NGEF: variants seen among roughly 807,000 people sequenced by gnomAD.
NGEF encodes the protein ephexin-1.
A neutral mutation model predicts 80.9 loss-of-function variants in NGEF; 31 were observed. The observed-to-expected ratio is 0.38, with a 90% CI of 0.29 to 0.52. NGEF has a LOEUF of 0.52. NGEF is among the 20% of genes least tolerant of loss of function. NGEF has a pLI of 0.84. For synonymous variants in NGEF, 371 were observed against 370.2 expected (o/e 1.00, Z -0.03); for missense variants, 709 against 926.2 (o/e 0.77, Z 3.04).
In NGEF at chr2:232,879,425, C is replaced by A. The variant is rs918557115; in HGVS notation, c.*64G>T. On this transcript the variant is annotated 3_prime_UTR_variant, in exon 15 of 15. Coordinates refer to ENST00000264051, the MANE Select transcript of NGEF (RefSeq NM_019850.3). ...GCTGGCCTGTGCTTCCCAGAGCCCC[C>A]CCCCCCCCACCTTCTGTCGGGGTCT... 1.4e-4 allele frequency: 197 copies of A among 1,424,240 alleles called. 3 individuals are homozygous for A. The highest frequency in any genetic ancestry group is 7.1e-4 in the South Asian group (51 of 72,088). The allele number at this position is 1,424,240 out of a possible 1,614,324, so 88.2% of individuals were successfully genotyped here. A position where few individuals can be genotyped will look rare whatever the true frequency, so the allele number is the denominator to read the frequency against.
At chr2:233,004,570 G>T (rs766164461) in intron 1 of NGEF, among the ~76,000 whole-genome samples, 1 of 152,228 alleles carries the variant, frequency 6.6e-6, no homozygotes, top group Non-Finnish European at 1.5e-5. Flanking sequence ...TGAGGTAACT[G>T]CTGGGAACCC....
At chr2:233,011,113 A>G (rs1178228568) in intron 1 of NGEF, among the ~76,000 whole-genome samples, 1 of 151,790 alleles carries the variant, frequency 6.6e-6, no homozygotes, top group East Asian at 1.9e-4. Flanking sequence ...TGCTCTTTTC[A>G]CCAAGCGGGG....
chr2:232,908,772 C>T (rs1204503938), intron 5 of NGEF, among the ~76,000 whole-genome samples: 2 of 151,404 alleles, frequency 1.3e-5, no homozygotes, highest in Non-Finnish European at 2.9e-5. Flanking sequence ...ATTGCCAGGA[C>T]GTATTCTCAT....
At position 232,922,614 on chromosome 2, in the gene NGEF, G is replaced by A. The variant is rs189911976; in HGVS notation, c.527-2029C>T. Among the ~76,000 whole-genome samples, 336 of 152,332 alleles carry A rather than the reference G, an allele frequency of 2.2e-3. 2 individuals carry two copies. The highest frequency in any genetic ancestry group is 7.8e-3 in the African/African-American group (325 of 41,574). On this transcript the variant is annotated intron_variant, in intron 4 of 14. Coordinates refer to ENST00000264051, the MANE Select transcript of NGEF (RefSeq NM_019850.3). ...GAGTATAAGGTAGGCCGACTATTGC[G>A]ACGTCAAGCTATCACCATCCTATGA...
intron 8 of NGEF, 31 bp from the exon 9 acceptor site, chr2:232,888,138 A>T: frequency 6.5e-7 from 1 of 1,535,808 alleles, no homozygotes; most frequent in Non-Finnish European, 8.8e-7. Flanking sequence ...CGTTAACTTT[A>T]ATCTTTTCTG....
intron 3 of NGEF, among the ~76,000 whole-genome samples, chr2:232,968,093 C>CTTTTTTTTTTTTTTTTTTTTTTTTTTT (rs1274944227): frequency 2.4e-5 from 3 of 125,796 alleles, no homozygotes; most frequent in South Asian, 2.5e-4. Context: ...ACAGACCTGG[C>CTTTTTTTTTTTTTTTTTTTTTTTTTTT]TTTTTTTTTT....
chr2:232,956,781 TAAAAAAAAAA>T (rs57407464), intron 3 of NGEF, among the ~76,000 whole-genome samples: 993 of 62,162 alleles, frequency 0.016, 19 homozygotes, highest in Middle Eastern at 0.047. Context: ...AGACTCCATC[TAAAAAAAAAA>T]AAAAAAAAAA....
At chr2:232,982,058 C>A (rs1301289165) in intron 1 of NGEF, among the ~76,000 whole-genome samples, 1 of 152,184 alleles carries the variant, frequency 6.6e-6, no homozygotes, top group African/African-American at 2.4e-5. Flanking sequence ...GAGGCCACAG[C>A]CCTGGGTGAC....
rs769159775 is a variant in NGEF at position 232,883,369 on chromosome 2, G to T, written c.1699C>A (p.Arg567=). The T allele has an allele frequency of 6.2e-7, 1 of 1,612,930 alleles. No individual in the cohort carries two copies. Among genetic ancestry groups the T allele is most frequent in the Non-Finnish European group, 8.5e-7 (1 of 1,179,532 alleles). The change falls in exon 12 of 15, where the codon CGG becomes AGG. Residue 567 remains arginine (R), a synonymous_variant. Coordinates refer to ENST00000264051, the MANE Select transcript of NGEF (RefSeq NM_019850.3). ...GQTLANVFIL[R]LLENADDREA... is the part of the protein sequence containing the mutation. Reference sequence around the variant, plus strand: ...CGGTCATCTGCGTTCTCCAGCAGCCGCAGGATGAACACGTTGGCCAGCGTC... The same window carrying T: ...CGGTCATCTGCGTTCTCCAGCAGCCTCAGGATGAACACGTTGGCCAGCGTC...
At chr2:232,913,074 T>C (rs1458256631) in intron 5 of NGEF, among the ~76,000 whole-genome samples, 1 of 152,228 alleles carries the variant, frequency 6.6e-6, no homozygotes, top group Non-Finnish European at 1.5e-5. Flanking sequence ...GCCCAGTTTC[T>C]TAATATGAAA....
Position 232,988,036 on chromosome 2 carries a change from C to CGTGTGTGTGT in NGEF, c.-74-13082_-74-13073dup, listed in dbSNP as rs57143286. 1.4e-3 allele frequency among the ~76,000 whole-genome samples: 192 copies of CGTGTGTGTGT among 140,328 alleles called. 1 individual carries two copies. The highest frequency in any genetic ancestry group is 4.2e-3 in the African/African-American group (161 of 38,332). The allele number at this position is 140,328 out of a possible 152,430, so 92.1% of individuals were successfully genotyped here. On this transcript the variant is annotated intron_variant, in intron 1 of 14. Transcript: ENST00000264051. ...GTCACCCTTCTGGAAGGGATGGTCT[C>CGTGTGTGTGT]GTGTGTGTGTGTGTGTGTGTGTGTG...
intron 3 of NGEF, among the ~76,000 whole-genome samples, chr2:232,930,552 A>C (rs1373866955): frequency 6.8e-6 from 1 of 147,054 alleles, no homozygotes; most frequent in Non-Finnish European, 1.5e-5. Context: ...CCATTTCGCC[A>C]GGCTGGTCTT....
intron 12 of NGEF, among the ~76,000 whole-genome samples, chr2:232,883,069 ACACACACACACACG>A (rs1156475772): frequency 2.7e-5 from 4 of 150,050 alleles, no homozygotes; most frequent in African/African-American, 9.7e-5. Flanking sequence ...ACACACACAC[ACACACACACACACG>A]CACACACGCA....
intron 3 of NGEF, among the ~76,000 whole-genome samples, chr2:232,959,182 T>G (rs1328039223): frequency 6.6e-6 from 1 of 152,236 alleles, no homozygotes; most frequent in Non-Finnish European, 1.5e-5. Context: ...TTTTTCTCTT[T>G]GCAGTTTTCC....
intron 3 of NGEF, among the ~76,000 whole-genome samples, chr2:232,946,874 A>T (rs945786742): frequency 3.9e-5 from 6 of 152,236 alleles, no homozygotes; most frequent in African/African-American, 1.4e-4. Context: ...ATTGAATTAA[A>T]AATACAATGA....
chr2:232,891,992 G>A (rs1691899906), intron 7 of NGEF, among the ~76,000 whole-genome samples: 1 of 152,056 alleles, frequency 6.6e-6, no homozygotes, highest in South Asian at 2.1e-4. Context: ...AGGGACAGCA[G>A]GGACAGCAGG....
intron 3 of NGEF, among the ~76,000 whole-genome samples, chr2:232,928,764 A>G (rs1465485748): frequency 6.6e-6 from 1 of 152,072 alleles, no homozygotes; most frequent in South Asian, 2.1e-4. Context: ...CGGGTCTGGG[A>G]TGGGTTCGGG....
chr2:232,888,200 G>T, intron 8 of NGEF, 93 bp from the exon 9 acceptor site: 1 of 862,026 alleles, frequency 1.2e-6, no homozygotes, highest in Non-Finnish European at 1.8e-6. Context: ...TACTGCACCA[G>T]TCCAGCCCCA....
chr2:232,957,515 G>A (rs1235101990), intron 3 of NGEF, among the ~76,000 whole-genome samples: 1 of 152,212 alleles, frequency 6.6e-6, no homozygotes, highest in Non-Finnish European at 1.5e-5. Flanking sequence ...TAGAGACAGA[G>A]TTTTGCCATG....
Sources: gnomAD v4.1 joint callset for allele counts (sites outside exome capture counted in the v4.1 genomes callset) on GRCh38, gnomAD v4.1.1 for gene constraint, MANE v1.5 for transcripts, NCBI Gene and HGNC (gene_info 2026-07-23, HGNC 2026-07-21) for gene names.